Variants in TRIM71 observed in about 807,000 individuals in gnomAD.
TRIM71 encodes the protein tripartite motif containing 71.
A neutral mutation model predicts 61.2 loss-of-function variants in TRIM71; 9 were observed. The ratio of observed to expected loss-of-function variants is 0.15; its 90% CI spans 0.09 to 0.26. The LOEUF (loss-of-function observed/expected upper bound fraction) is 0.26. Among genes scored for constraint, TRIM71 ranks in the 10% least tolerant of loss-of-function variants. The probability of loss-of-function intolerance (pLI) is 1.00; values close to 1 mark genes in which losing one functional copy is unlikely to be tolerated. For synonymous variants in TRIM71, 645 were observed against 553.2 expected, an observed-to-expected ratio of 1.17 and a Z score of -2.33; for missense variants, 998 against 1,238.7, an observed-to-expected ratio of 0.81 and a Z score of 2.92.
chr3:32,877,879 T>G (rs1269757467), intron 2 of TRIM71, among the ~76,000 whole-genome samples: 1 of 152,150 alleles, frequency 6.6e-6, no homozygotes, highest in African/African-American at 2.4e-5. Context: ...GGGATCAGCT[T>G]CTTCAAACAT....
At chr3:32,841,375 G>C (rs971740683) in intron 1 of TRIM71, among the ~76,000 whole-genome samples, 1 of 151,148 alleles carries the variant, frequency 6.6e-6, no homozygotes, top group African/African-American at 2.4e-5. Flanking sequence ...GAGAAACTGC[G>C]TAAAGAATAC....
At chr3:32,821,239 C>T (rs1044616769) in intron 1 of TRIM71, among the ~76,000 whole-genome samples, 1 of 152,242 alleles carries the variant, frequency 6.6e-6, no homozygotes, top group African/African-American at 2.4e-5. Context: ...GACTGCGATA[C>T]ACTGAATGCC....
chr3:32,858,727 C>G (rs1386040447), intron 1 of TRIM71, among the ~76,000 whole-genome samples: 2 of 152,134 alleles, frequency 1.3e-5, no homozygotes, highest in African/African-American at 4.8e-5. Flanking sequence ...GTTTCTTGTG[C>G]CATGTGTATC....
chr3:32,880,128 A>T (rs1428402438), intron 2 of TRIM71, among the ~76,000 whole-genome samples: 1 of 151,392 alleles, frequency 6.6e-6, no homozygotes, highest in African/African-American at 2.4e-5. Flanking sequence ...GCTCACTGCA[A>T]CCTCTGCCTC....
At chr3:32,842,008 C>A (rs917363200) in intron 1 of TRIM71, among the ~76,000 whole-genome samples, 4 of 152,106 alleles carry the variant, frequency 2.6e-5, no homozygotes, top group Non-Finnish European at 5.9e-5. Context: ...CGCTTCTGAG[C>A]ACCTGTCTCT....
At chr3:32,838,747 G>A (rs1696364484) in intron 1 of TRIM71, among the ~76,000 whole-genome samples, 1 of 151,952 alleles carries the variant, frequency 6.6e-6, no homozygotes, top group Non-Finnish European at 1.5e-5. Context: ...ACAGATTGGT[G>A]GTTTCCATTC....
intron 1 of TRIM71, among the ~76,000 whole-genome samples, chr3:32,848,347 C>T (rs974486285): frequency 1.3e-5 from 2 of 152,164 alleles, no homozygotes; most frequent in African/African-American, 4.8e-5. Context: ...AGGAATCCTG[C>T]CAAGGGAGTT....
In TRIM71 at chr3:32,892,950, C is replaced by T. The variant is rs915357353; in HGVS notation, c.*1139C>T. On this transcript the variant is annotated 3_prime_UTR_variant, in exon 4 of 4. Coordinates refer to ENST00000383763, the MANE Select transcript of TRIM71 (RefSeq NM_001039111.3). ...AAAGGGCAGGGTCTGCCCTGACCCG[C>T]GAGTGCATGTTGTTCTGTAGTGCTA... 2.6e-5 allele frequency: 4 copies of T among 152,238 alleles called. No individual in the cohort carries two copies. Among genetic ancestry groups the T allele is most frequent in the South Asian group, 2.1e-4 (1 of 4,826 alleles). 9.4% of individuals were successfully genotyped at this position (152,238 alleles called of 1,614,324 possible). A position where few individuals can be genotyped will look rare whatever the true frequency, so the allele number is the denominator to read the frequency against.
Position 32,818,016 on chromosome 3 carries a change from C to G in TRIM71, c.-65C>G. ...TCGGTGACTCCCCCACCCACCTCGTCCGCTCTCTCCTCCTCCTCCTCCTCT... is the reference window on the plus strand; with the variant it reads ...TCGGTGACTCCCCCACCCACCTCGTGCGCTCTCTCCTCCTCCTCCTCCTCT... On this transcript the variant is annotated 5_prime_UTR_variant, in exon 1 of 4. Coordinates refer to ENST00000383763, the MANE Select transcript of TRIM71 (RefSeq NM_001039111.3). 5 of 1,505,486 alleles carry G rather than the reference C, an allele frequency of 3.3e-6. No homozygotes were observed. Among genetic ancestry groups the G allele is most frequent in the Non-Finnish European group, 4.6e-6 (5 of 1,092,984 alleles). 93.3% of individuals were successfully genotyped at this position (1,505,486 alleles called of 1,614,324 possible). A position where few individuals can be genotyped will look rare whatever the true frequency, so the allele number is the denominator to read the frequency against.
chr3:32,871,868 G>T (rs896335780), intron 1 of TRIM71, among the ~76,000 whole-genome samples: 7 of 152,232 alleles, frequency 4.6e-5, no homozygotes, highest in Non-Finnish European at 1.5e-5. Context: ...TCTGGGCCGG[G>T]TGCGTTGGCT....
At chr3:32,857,382 T>G (rs1488230791) in intron 1 of TRIM71, among the ~76,000 whole-genome samples, 8 of 152,218 alleles carry the variant, frequency 5.3e-5, no homozygotes, top group African/African-American at 1.7e-4. Flanking sequence ...CTGAAGTTCT[T>G]CTTGGAGTCA....
At chr3:32,835,479 G>C (rs1696324149) in intron 1 of TRIM71, among the ~76,000 whole-genome samples, 1 of 152,112 alleles carries the variant, frequency 6.6e-6, no homozygotes, top group East Asian at 1.9e-4. Flanking sequence ...GAGTGAAAAA[G>C]GGAGGGAAGG....
chr3:32,869,343 G>A (rs1696772573), intron 1 of TRIM71, among the ~76,000 whole-genome samples: 1 of 152,242 alleles, frequency 6.6e-6, no homozygotes. Flanking sequence ...AGCAGTTTAT[G>A]TATTTTAGTT....
rs1697020273 is a variant in TRIM71 at position 32,891,138 on chromosome 3, C to T, written c.1934C>T (p.Thr645Ile). Residue 645 changes from threonine to isoleucine, a missense_variant, in exon 4 of 4, where the codon ACC becomes ATC. Around this residue, in one of 5 missense-constraint regions of TRIM71, gnomAD observed 83 missense variants for 202.7 expected, o/e 0.41. Transcript: ENST00000383763. This position sits in a 1 kb window ranked among gnomAD's most constrained non-coding sequence, Gnocchi z 8.2. ...PCGAFHHKFG[T>I]LGSRPGQFDR... Reference sequence around the variant, plus strand: ...GGCGCCTTCCACCACAAATTCGGCACCCTGGGCTCCCGGCCTGGGCAGTTC... The same window carrying T: ...GGCGCCTTCCACCACAAATTCGGCATCCTGGGCTCCCGGCCTGGGCAGTTC... The T allele has an allele frequency of 1.2e-6, 2 of 1,612,676 alleles. No individual in the cohort carries two copies. The highest frequency in any genetic ancestry group is 1.7e-6 in the Non-Finnish European group (2 of 1,180,024).
intron 1 of TRIM71, among the ~76,000 whole-genome samples, chr3:32,837,557 T>A (rs1431594650): frequency 6.6e-6 from 1 of 152,162 alleles, no homozygotes; most frequent in African/African-American, 2.4e-5. Context: ...TGGTGGCTCA[T>A]GCCTGTAATC....
At chr3:32,846,264 A>T (rs888153404) in intron 1 of TRIM71, among the ~76,000 whole-genome samples, 1 of 151,494 alleles carries the variant, frequency 6.6e-6, no homozygotes, top group Non-Finnish European at 1.5e-5. Context: ...TTTAGTAGAG[A>T]CAGGGTTTCA....
rs1003176015 is a variant in TRIM71, at chr3:32,894,057, T to G, written c.*2246T>G. ...CCCCAATGCCTATTCAGTTGCCTTT[T>G]GGCCGTTAAGCTCTAAGTTCTTTGG... On this transcript the variant is annotated 3_prime_UTR_variant, in exon 4 of 4. Coordinates refer to ENST00000383763, the MANE Select transcript of TRIM71 (RefSeq NM_001039111.3). 7.2e-5 allele frequency: 11 copies of G among 152,234 alleles called. No homozygotes were observed. Among genetic ancestry groups the G allele is most frequent in the Non-Finnish European group, 1.6e-4 (11 of 68,042 alleles). 9.4% of individuals were successfully genotyped at this position (152,234 alleles called of 1,614,324 possible).
intron 1 of TRIM71, among the ~76,000 whole-genome samples, chr3:32,849,276 C>T (rs556674429): frequency 2.6e-5 from 4 of 152,230 alleles, no homozygotes; most frequent in African/African-American, 9.6e-5. Context: ...AGATTAGAAA[C>T]GCTGGCACTG....
At chr3:32,827,380 C>T (rs1441971181) in intron 1 of TRIM71, among the ~76,000 whole-genome samples, 6 of 150,706 alleles carry the variant, frequency 4.0e-5, no homozygotes, top group African/African-American at 9.8e-5. Context: ...TCTCCTGCCT[C>T]GTCTCACGAG....
Sources: allele counts gnomAD v4.1 joint callset (sites outside exome capture counted in the v4.1 genomes callset), GRCh38; gene constraint gnomAD v4.1.1; regional missense constraint gnomAD v4.1.1; non-coding constraint Gnocchi (gnomAD v3.1); transcripts MANE v1.5; gene names NCBI Gene and HGNC (gene_info 2026-07-23, HGNC 2026-07-21).